LRP1B: variants seen among roughly 807,000 people sequenced by gnomAD.
LRP1B encodes low-density lipoprotein receptor-related protein 1B.
Under a neutral mutation model 556.6 loss-of-function variants are expected in LRP1B, and 217 were observed. That is an observed-to-expected ratio of 0.39 (90% confidence interval 0.35 to 0.44). LRP1B has a LOEUF of 0.44. Among genes scored for constraint, LRP1B ranks in the 20% least tolerant of loss-of-function variants. The probability of loss-of-function intolerance (pLI) is 1.00; values close to 1 mark genes in which losing one functional copy is unlikely to be tolerated. For synonymous variants in LRP1B, 2,047 were observed against 1,865.8 expected (o/e 1.10, Z -2.50); for missense variants, 5,053 against 5,620.8 (o/e 0.90, Z 3.23).
At chr2:141,446,846 T>C (rs943739024) in intron 3 of LRP1B, among the ~76,000 whole-genome samples, 1 of 152,168 alleles carries the variant, frequency 6.6e-6, no homozygotes, top group Non-Finnish European at 1.5e-5. Flanking sequence ...CCTTTAATGT[T>C]TTTTCCTTCA....
At chr2:141,329,643 C>CA (rs71391650) in intron 3 of LRP1B, among the ~76,000 whole-genome samples, 1,423 of 28,808 alleles carry the variant, frequency 0.049, 33 homozygotes, top group East Asian at 0.082. Context: ...GACTCTGTCT[C>CA]AAAAAAAAAA....
chr2:140,407,842 G>T (rs1280818758), intron 66 of LRP1B, among the ~76,000 whole-genome samples: 1 of 151,836 alleles, frequency 6.6e-6, no homozygotes, highest in African/African-American at 2.4e-5. Flanking sequence ...CTATCCAAAA[G>T]AAAAGAAGTC....
At chr2:141,746,077 CT>C (rs1012252678) in intron 2 of LRP1B, among the ~76,000 whole-genome samples, 2 of 152,060 alleles carry the variant, frequency 1.3e-5, no homozygotes, top group African/African-American at 2.4e-5. Context: ...GGAAGGGTCT[CT>C]TTTGGAGTCA....
intron 35 of LRP1B, among the ~76,000 whole-genome samples, chr2:140,758,179 G>A (rs1208815850): frequency 6.6e-6 from 1 of 151,958 alleles, no homozygotes; most frequent in Non-Finnish European, 1.5e-5. Context: ...AAAAGTATTG[G>A]AAAGGTTAAA....
chr2:140,974,999 G>A (rs925216486), intron 18 of LRP1B, among the ~76,000 whole-genome samples: 1 of 152,164 alleles, frequency 6.6e-6, no homozygotes, highest in Non-Finnish European at 1.5e-5. Context: ...ACTGGAGAGT[G>A]ATCGCAGGCC....
rs2104919214 is a variant in LRP1B at position 141,398,123 on chromosome 2, A to T, written c.343+82273T>A. On this transcript the variant is annotated intron_variant, in intron 3 of 90. Transcript: ENST00000389484. ...AATAAATTCACAAATAAACATATGCATCCAGAGAGAGCCCAGAGAAGAAGC... is the reference window on the plus strand; with the variant it reads ...AATAAATTCACAAATAAACATATGCTTCCAGAGAGAGCCCAGAGAAGAAGC... Among the ~76,000 whole-genome samples, 3 of 152,278 alleles carry T rather than the reference A, an allele frequency of 2.0e-5. No homozygotes were observed. The South Asian group carries it at 6.2e-4, about 32-fold the overall frequency.
At chr2:140,831,287 T>C (rs191322098) in intron 31 of LRP1B, among the ~76,000 whole-genome samples, 216 of 152,064 alleles carry the variant, frequency 1.4e-3, no homozygotes, top group African/African-American at 4.2e-3. Context: ...TACAAAGACA[T>C]AGTAAACAAA....
Position 141,847,255 on chromosome 2 carries a change from G to A in LRP1B, c.83-36854C>T, listed in dbSNP as rs57645672. On this transcript the variant is annotated intron_variant, in intron 1 of 90. Transcript: ENST00000389484. ...AATATATGTTATCTAGGAATTAATCGAACAATAACTGCATAAGGCCATCAT... is the reference window on the plus strand; with the variant it reads ...AATATATGTTATCTAGGAATTAATCAAACAATAACTGCATAAGGCCATCAT... 8.3e-3 allele frequency among the ~76,000 whole-genome samples: 1,264 copies of A among 151,454 alleles called. 24 individuals carry two copies. Among genetic ancestry groups the A allele is most frequent in the African/African-American group, 0.028 (1,175 of 41,436 alleles).
intron 6 of LRP1B, among the ~76,000 whole-genome samples, chr2:141,193,917 G>T (rs1681634127): frequency 6.6e-6 from 1 of 151,936 alleles, no homozygotes. Flanking sequence ...AGCAAATATT[G>T]CTTAGGTCCC....
chr2:141,074,583 C>CTG (rs759255104), intron 7 of LRP1B, among the ~76,000 whole-genome samples: 1 of 97,248 alleles, frequency 1.0e-5, no homozygotes, highest in Non-Finnish European at 2.2e-5. Flanking sequence ...CTCTCTCTCT[C>CTG]TCTCTCTATA....
intron 33 of LRP1B, among the ~76,000 whole-genome samples, chr2:140,774,624 T>A (rs2104946774): frequency 6.6e-6 from 1 of 152,300 alleles, no homozygotes; most frequent in East Asian, 1.9e-4. Flanking sequence ...ATCTCATATG[T>A]ATGCGTTATT....
chr2:141,850,003 T>A (rs1006888704), intron 1 of LRP1B, among the ~76,000 whole-genome samples: 1 of 151,684 alleles, frequency 6.6e-6, no homozygotes, highest in Non-Finnish European at 1.5e-5. Flanking sequence ...CAAAGTTGAA[T>A]CAGGCAAAAT....
chr2:142,121,911 T>G (rs13029758), intron 1 of LRP1B, among the ~76,000 whole-genome samples: 138,891 of 152,088 alleles, frequency 0.91, 63,475 homozygotes, highest in East Asian at 1. Flanking sequence ...AAAAAAAAAT[T>G]TGAATGAAAA....
intron 73 of LRP1B, among the ~76,000 whole-genome samples, 175 bp downstream of exon 73, chr2:140,358,646 A>G (rs1227759148): frequency 2.0e-5 from 3 of 151,742 alleles, no homozygotes; most frequent in African/African-American, 7.2e-5. Context: ...GTGCACACCT[A>G]TAAGGCAAAT....
At chr2:141,459,635 T>TA (rs1681780346) in intron 3 of LRP1B, among the ~76,000 whole-genome samples, 1 of 152,132 alleles carries the variant, frequency 6.6e-6, no homozygotes, top group African/African-American at 2.4e-5. Context: ...TTCCATGCTA[T>TA]TCTGGTGACA....
At chr2:141,738,159 A>G (rs1263819684) in intron 2 of LRP1B, among the ~76,000 whole-genome samples, 1 of 152,172 alleles carries the variant, frequency 6.6e-6, no homozygotes, top group East Asian at 1.9e-4. Context: ...TGAGAACATT[A>G]CAGATTTCTA....
intron 2 of LRP1B, among the ~76,000 whole-genome samples, chr2:141,795,996 G>A (rs535706086): frequency 1.0e-4 from 15 of 148,528 alleles, no homozygotes; most frequent in Admixed American, 4.1e-4. Context: ...TTTATTCATG[G>A]GTTAAATCTT....
At chr2:141,643,891 C>T (rs556373306) in intron 2 of LRP1B, among the ~76,000 whole-genome samples, 2 of 152,048 alleles carry the variant, frequency 1.3e-5, no homozygotes, top group Admixed American at 1.3e-4. Context: ...TTAATAACAG[C>T]GACCTTATAG....
chr2:140,735,120 C>G (rs1687903410), intron 35 of LRP1B, among the ~76,000 whole-genome samples: 1 of 152,100 alleles, frequency 6.6e-6, no homozygotes, highest in African/African-American at 2.4e-5. Flanking sequence ...CAGCAGTTGT[C>G]AAAGAGGACA....
Sources: gnomAD v4.1 joint callset for allele counts (sites outside exome capture counted in the v4.1 genomes callset) on GRCh38, gnomAD v4.1.1 for gene constraint, MANE v1.5 for transcripts, NCBI Gene and HGNC (gene_info 2026-07-23, HGNC 2026-07-21) for gene names.